NTRK3: variants seen among roughly 807,000 people sequenced by gnomAD.
NTRK3 encodes neurotrophic receptor tyrosine kinase 3, also known as NT-3 growth factor receptor.
NTRK3 carries 24 observed loss-of-function variants against 91.7 expected under a neutral mutation model. That is an observed-to-expected ratio of 0.26 (90% CI 0.19 to 0.37). The LOEUF is 0.37. NTRK3 is among the 10% of genes least tolerant of loss of function. The probability of loss-of-function intolerance (pLI) is 1.00; values close to 1 mark genes in which losing one functional copy is unlikely to be tolerated. For synonymous variants in NTRK3, 483 were observed against 404.0 expected (o/e 1.20, Z -2.34); for missense variants, 880 against 1,068.9 (o/e 0.82, Z 2.46).
chr15:88,214,288 C>T (rs2049531369), intron 3 of NTRK3, among the ~76,000 whole-genome samples: 1 of 152,092 alleles, frequency 6.6e-6, no homozygotes, highest in African/African-American at 2.4e-5. Context: ...GAAGAGAATC[C>T]TCTCTTGCCT....
intron 13 of NTRK3, among the ~76,000 whole-genome samples, chr15:88,076,807 T>C (rs1299679617): frequency 6.6e-6 from 1 of 152,106 alleles, no homozygotes; most frequent in African/African-American, 2.4e-5. Context: ...TAAAACACTT[T>C]TGAGGCTGGG....
At chr15:87,938,150 T>C (rs1705154763) in intron 15 of NTRK3, among the ~76,000 whole-genome samples, 1 of 152,204 alleles carries the variant, frequency 6.6e-6, no homozygotes, top group Non-Finnish European at 1.5e-5. Context: ...ACTACACATA[T>C]GTGCAGATTA....
chr15:87,964,226 T>C (rs2072580222), intron 14 of NTRK3, among the ~76,000 whole-genome samples: 1 of 152,146 alleles, frequency 6.6e-6, no homozygotes, highest in Admixed American at 6.6e-5. Context: ...CTGGTAATGG[T>C]AGCGGTGCTA....
At chr15:88,086,796 G>T (rs551124560) in intron 13 of NTRK3, among the ~76,000 whole-genome samples, 143 of 152,340 alleles carry the variant, frequency 9.4e-4, no homozygotes, top group African/African-American at 3.3e-3. Flanking sequence ...TCCTCTCCTA[G>T]CCTGGGGCAG....
chr15:88,048,989 CGAAAT>C (rs2080532747), intron 13 of NTRK3, among the ~76,000 whole-genome samples: 1 of 152,146 alleles, frequency 6.6e-6, no homozygotes, highest in Non-Finnish European at 1.5e-5. Context: ...ACAACACTGA[CGAAAT>C]GAAATGCCAG....
chr15:87,940,610 C>T lies in NTRK3; in HGVS notation c.1716+13G>A, dbSNP rs150289340. 7.0e-5 allele frequency: 113 copies of T among 1,613,320 alleles called. No homozygotes were observed. Among genetic ancestry groups the T allele is most frequent in the Non-Finnish European group, 7.0e-5 (83 of 1,180,034 alleles). ...AGCCCTCCTCCTGGTGCCGGCATGC[C>T]TCTGGGGTTTACCTTCACAGCCACA... On this transcript the variant is annotated intron_variant, in intron 15 of 18. Transcript: ENST00000394480.
chr15:88,191,459 T>C lies in NTRK3; in HGVS notation c.249-7160A>G, dbSNP rs560358848. On this transcript the variant is annotated intron_variant, in intron 3 of 18. Coordinates refer to ENST00000394480, the Ensembl canonical transcript of NTRK3. ...TGCCTAGGCCTCCGGATGTTTTTTA[T>C]ATGTGAGTACTCTACTCCTCCAACA... Among the ~76,000 whole-genome samples, 6 of 152,296 alleles carry C rather than the reference T, an allele frequency of 3.9e-5. No homozygotes were observed. The South Asian group carries it at 1.2e-3, about 32-fold the overall frequency.
chr15:88,137,771 A>G (rs868800249), intron 6 of NTRK3, among the ~76,000 whole-genome samples: 1 of 152,344 alleles, frequency 6.6e-6, no homozygotes, highest in South Asian at 2.1e-4. Context: ...AAAGAAATCC[A>G]GCCAGGTGCG....
intron 6 of NTRK3, among the ~76,000 whole-genome samples, chr15:88,140,609 A>C (rs1449667211): frequency 6.6e-6 from 1 of 152,268 alleles, no homozygotes; most frequent in African/African-American, 2.4e-5. Flanking sequence ...AGAAAGATGT[A>C]AAACTCCAGA....
intron 3 of NTRK3, among the ~76,000 whole-genome samples, chr15:88,224,144 T>G (rs2141620308): frequency 6.6e-6 from 1 of 152,256 alleles, no homozygotes; most frequent in South Asian, 2.1e-4. Flanking sequence ...GTCCTAAGGA[T>G]GATACAGTGT....
chr15:87,939,596 A>T (rs2069615971), intron 15 of NTRK3, among the ~76,000 whole-genome samples: 1 of 152,198 alleles, frequency 6.6e-6, no homozygotes, highest in Non-Finnish European at 1.5e-5. Context: ...CAGGAACTGC[A>T]TTTGTGATCC....
intron 3 of NTRK3, among the ~76,000 whole-genome samples, chr15:88,224,615 A>C (rs1189425267): frequency 6.6e-6 from 1 of 152,232 alleles, no homozygotes; most frequent in Non-Finnish European, 1.5e-5. Flanking sequence ...GAACCTATTA[A>C]GACTTCAGTC....
chr15:87,918,290 T>C (rs528978932), intron 17 of NTRK3, among the ~76,000 whole-genome samples: 102 of 152,334 alleles, frequency 6.7e-4, no homozygotes, highest in Non-Finnish European at 1.1e-3. Flanking sequence ...CCTCAACAGA[T>C]GACAAATCCT....
chr15:88,184,329 G>C, intron 3 of NTRK3, 30 bp from the exon 4 acceptor site: 2 of 1,608,374 alleles, frequency 1.2e-6, no homozygotes, highest in Non-Finnish European at 1.7e-6. Context: ...GTAACGGTCA[G>C]CCAGAAGCAA....
chr15:88,073,882 A>G (rs1381711152), intron 13 of NTRK3, among the ~76,000 whole-genome samples: 2 of 152,022 alleles, frequency 1.3e-5, no homozygotes, highest in African/African-American at 2.4e-5. Flanking sequence ...TGTGTCTCCA[A>G]TGGTTTGTTT....
At chr15:87,887,982 C>A (rs2065644612) in intron 17 of NTRK3, among the ~76,000 whole-genome samples, 1 of 151,996 alleles carries the variant, frequency 6.6e-6, no homozygotes, top group Non-Finnish European at 1.5e-5. Flanking sequence ...AGGCTGAACC[C>A]TGAAAAAAGA....
chr15:87,882,620 C>T (rs977513657), intron 17 of NTRK3, among the ~76,000 whole-genome samples: 1 of 151,804 alleles, frequency 6.6e-6, no homozygotes, highest in Non-Finnish European at 1.5e-5. Flanking sequence ...ACCATAAATG[C>T]ATAGAAGAGT....
At chr15:88,059,419 C>G (rs954911075) in intron 13 of NTRK3, among the ~76,000 whole-genome samples, 1 of 152,144 alleles carries the variant, frequency 6.6e-6, no homozygotes, top group African/African-American at 2.4e-5. Flanking sequence ...TGTTGCTCCT[C>G]TATCACCTAT....
intron 3 of NTRK3, among the ~76,000 whole-genome samples, chr15:88,249,695 GT>G (rs1245380615): frequency 6.6e-6 from 1 of 152,150 alleles, no homozygotes; most frequent in Admixed American, 6.5e-5. Context: ...GAGCTTTGGT[GT>G]TAGCCTCACT....
Sources: gnomAD v4.1 joint callset for allele counts (sites outside exome capture counted in the v4.1 genomes callset) on GRCh38, gnomAD v4.1.1 for gene constraint, MANE v1.5 for transcripts, NCBI Gene and HGNC (gene_info 2026-07-23, HGNC 2026-07-21) for gene names.